NBEA: variants seen among roughly 807,000 people sequenced by gnomAD.
NBEA encodes the protein lysosomal-trafficking regulator 2.
NBEA carries 44 observed loss-of-function variants against 343.4 expected under a neutral mutation model. That is an observed-to-expected ratio of 0.13 (90% CI 0.10 to 0.16). The LOEUF (loss-of-function observed/expected upper bound fraction) is 0.16, where lower values mean the gene tolerates loss of function less well. NBEA is among the 10% of genes least tolerant of loss of function. The pLI, the probability that NBEA is intolerant of heterozygous loss-of-function variation, is 1.00. For missense variants in NBEA, 2,555 were observed against 3,631.3 expected (o/e 0.70, Z 7.62); for synonymous variants, 1,175 against 1,238.7 (o/e 0.95, Z 1.08).
intron 34 of NBEA, among the ~76,000 whole-genome samples, chr13:35,254,856 G>T (rs948728990): frequency 2.0e-5 from 3 of 151,588 alleles, no homozygotes; most frequent in African/African-American, 4.8e-5. Context: ...CTATGAACTG[G>T]ATTCTTAGAA....
At chr13:35,211,028 C>T (rs375880511) in intron 32 of NBEA, 25 bp from the exon 33 acceptor site, 151 of 1,542,424 alleles carry the variant, frequency 9.8e-5, no homozygotes, top group Non-Finnish European at 1.1e-4. Flanking sequence ...ATGTTTAAGG[C>T]TAAAAATTAT....
chr13:35,531,684 T>C (rs2078269596), intron 41 of NBEA, among the ~76,000 whole-genome samples: 1 of 152,198 alleles, frequency 6.6e-6, no homozygotes. Context: ...GAGCACACAG[T>C]TCCCATAGAT....
rs2043502711 is a variant in NBEA at position 35,410,256 on chromosome 13, A to C, written c.6180-22013A>C. The stretch of plus-strand genomic sequence containing the variant: ...GAAGGCACAAATTAGTCTGGCTTTA[A>C]AACATTGAACTAAAAACTAGGATTT... On this transcript the variant is annotated intron_variant, in intron 38 of 58. Coordinates refer to ENST00000379939, the MANE Select transcript of NBEA (RefSeq NM_001385012.1). Among the ~76,000 whole-genome samples, 4 of 151,986 alleles carry C rather than the reference A, an allele frequency of 2.6e-5. No homozygotes were observed. The South Asian group carries it at 8.3e-4, about 32-fold the overall frequency.
intron 35 of NBEA, among the ~76,000 whole-genome samples, chr13:35,306,731 A>G (rs181416899): frequency 3.9e-4 from 59 of 152,222 alleles, no homozygotes; most frequent in African/African-American, 1.3e-3. Flanking sequence ...CAATGTATAT[A>G]CGTGGAGTGT....
intron 36 of NBEA, among the ~76,000 whole-genome samples, chr13:35,342,168 TG>T (rs2039623576): frequency 6.6e-6 from 1 of 152,008 alleles, no homozygotes; most frequent in Admixed American, 6.6e-5. Context: ...AGAAACAGAA[TG>T]TAGACTAGTA....
At chr13:35,510,709 A>G (rs756324428) in intron 41 of NBEA, among the ~76,000 whole-genome samples, 8 of 152,258 alleles carry the variant, frequency 5.3e-5, no homozygotes, top group Non-Finnish European at 1.5e-5. Flanking sequence ...GCATCTGACT[A>G]GGTACCAAAC....
intron 38 of NBEA, among the ~76,000 whole-genome samples, chr13:35,355,013 A>G (rs1051571354): frequency 6.6e-6 from 1 of 151,990 alleles, no homozygotes; most frequent in Admixed American, 6.6e-5. Flanking sequence ...CTCCATTCTT[A>G]CTGTTTCTGA....
intron 35 of NBEA, among the ~76,000 whole-genome samples, chr13:35,305,955 T>C (rs1022349526): frequency 5.9e-5 from 9 of 152,202 alleles, no homozygotes; most frequent in African/African-American, 2.2e-4. Context: ...ATTTTGAAAC[T>C]GGCTGATGTT....
intron 38 of NBEA, among the ~76,000 whole-genome samples, chr13:35,400,196 T>TAAAAAAA (rs71081251): frequency 2.6e-5 from 2 of 78,226 alleles, no homozygotes; most frequent in African/African-American, 4.9e-5. Flanking sequence ...CTTCAATTTG[T>TAAAAAAA]AAAAAAAAAA....
At chr13:35,384,004 A>T (rs574343332) in intron 38 of NBEA, among the ~76,000 whole-genome samples, 1 of 152,220 alleles carries the variant, frequency 6.6e-6, no homozygotes, top group African/African-American at 2.4e-5. Context: ...ATCTGGAAAG[A>T]TGAATCCAGT....
chr13:35,289,420 A>G (rs978748815), intron 34 of NBEA, among the ~76,000 whole-genome samples: 6 of 151,884 alleles, frequency 4.0e-5, no homozygotes, highest in Non-Finnish European at 8.8e-5. Context: ...ACCAAACATC[A>G]TAATTAACGT....
At chr13:35,461,902 G>T (rs1168295008) in intron 40 of NBEA, among the ~76,000 whole-genome samples, 2 of 152,142 alleles carry the variant, frequency 1.3e-5, no homozygotes, top group South Asian at 2.1e-4. Context: ...TAGCCCTAAG[G>T]ACAAGTATTT....
At chr13:35,341,222 A>G (rs1280510667) in intron 36 of NBEA, among the ~76,000 whole-genome samples, 1 of 152,038 alleles carries the variant, frequency 6.6e-6, no homozygotes, top group Non-Finnish European at 1.5e-5. Context: ...GAACAAATCT[A>G]GTCTCCAACC....
At chr13:35,382,089 T>C (rs1044934591) in intron 38 of NBEA, among the ~76,000 whole-genome samples, 37 of 152,144 alleles carry the variant, frequency 2.4e-4, no homozygotes, top group African/African-American at 8.2e-4. Flanking sequence ...ACAAGCCATA[T>C]AGTACCTCTG....
intron 1 of NBEA, among the ~76,000 whole-genome samples, chr13:34,993,128 T>C (rs1036621854): frequency 6.6e-6 from 1 of 152,230 alleles, no homozygotes; most frequent in Non-Finnish European, 1.5e-5. Flanking sequence ...ATATCGTATC[T>C]TATTAGAGCT....
chr13:34,996,054 AG>A (rs1162590445), intron 1 of NBEA, among the ~76,000 whole-genome samples: 67 of 152,344 alleles, frequency 4.4e-4, no homozygotes, highest in Admixed American at 4.3e-3. Context: ...GACTTACCCA[AG>A]ATCACAATAC....
intron 41 of NBEA, among the ~76,000 whole-genome samples, chr13:35,501,930 TACATGTGTATATAC>T (rs2076904967): frequency 6.6e-6 from 1 of 152,158 alleles, no homozygotes. Context: ...TGTGTGTGCA[TACATGTGTATATAC>T]ACACGTGAAC....
In NBEA at chr13:35,161,810, C is replaced by T. The variant is rs2069585002; in HGVS notation, c.3922C>T (p.Arg1308Ter). 1 of 1,612,320 alleles carries T rather than the reference C, an allele frequency of 6.2e-7. No homozygotes were observed. Among genetic ancestry groups the T allele is most frequent in the East Asian group, 2.2e-5 (1 of 44,718 alleles). The change falls in exon 23 of 59, where the codon CGA becomes TGA. Residue 1308 changes from arginine to a stop codon, truncating the protein, a stop_gained. Transcript: ENST00000379939. LOFTEE classifies it high-confidence loss of function. Reference sequence around the variant, plus strand: ...AGATCTCCGAGTTGATTTAGGATTTCGAGGAATGCCAATGACTGAGGAACA... The same window carrying T: ...AGATCTCCGAGTTGATTTAGGATTTTGAGGAATGCCAATGACTGAGGAACA... Reference protein sequence around the residue: ...DRDLRVDLGFRGMPMTEEQRR... With the variant: ...DRDLRVDLGF
At chr13:35,417,540 T>C (rs1381066145) in intron 38 of NBEA, among the ~76,000 whole-genome samples, 1 of 152,060 alleles carries the variant, frequency 6.6e-6, no homozygotes, top group South Asian at 2.1e-4. Context: ...TGTAGTTGAG[T>C]GGTTTTGAGT....
Sources: allele counts gnomAD v4.1 joint callset (sites outside exome capture counted in the v4.1 genomes callset), GRCh38; gene constraint gnomAD v4.1.1; transcripts MANE v1.5; gene names NCBI Gene and HGNC (gene_info 2026-07-23, HGNC 2026-07-21).